SPECC1L: variants seen among roughly 807,000 people sequenced by gnomAD.
The protein encoded by SPECC1L is cytospin-A.
A neutral mutation model predicts 116.8 loss-of-function variants in SPECC1L; 40 were observed. The ratio of observed to expected loss-of-function variants is 0.34; its 90% confidence interval spans 0.27 to 0.45. SPECC1L has a LOEUF of 0.45. Ranked by LOEUF, SPECC1L falls within the 20% of genes least tolerant of loss-of-function variation. The pLI, the probability that SPECC1L is intolerant of heterozygous loss-of-function variation, is 1.00. For missense variants in SPECC1L, 1,110 were observed against 1,373.6 expected (o/e 0.81, Z 3.03); for synonymous variants, 504 against 500.6 (o/e 1.01, Z -0.09).
chr22:24,358,501 C>T (rs1055508975), intron 11 of SPECC1L, among the ~76,000 whole-genome samples: 3 of 152,200 alleles, frequency 2.0e-5, no homozygotes, highest in African/African-American at 4.8e-5. Flanking sequence ...CAAACCCTCC[C>T]TGCAACTGAA....
intron 2 of SPECC1L, among the ~76,000 whole-genome samples, chr22:24,282,150 A>G (rs1281672303): frequency 1.3e-5 from 2 of 152,198 alleles, no homozygotes; most frequent in South Asian, 2.1e-4. Context: ...ATCGATCTGG[A>G]TGGTGCCAGC....
intron 14 of SPECC1L, among the ~76,000 whole-genome samples, chr22:24,405,279 G>A (rs1473156753): frequency 6.6e-6 from 1 of 152,154 alleles, no homozygotes; most frequent in Non-Finnish European, 1.5e-5. Flanking sequence ...GGAGAAGGAG[G>A]GAAGGAAGGA....
intron 14 of SPECC1L, among the ~76,000 whole-genome samples, chr22:24,405,935 A>G (rs2042583222): frequency 5.3e-5 from 8 of 152,190 alleles, no homozygotes; most frequent in Admixed American, 5.2e-4. Context: ...ATTTCACTGA[A>G]GTCCAAGACA....
At chr22:24,336,418 T>C (rs1254365891) in intron 9 of SPECC1L, among the ~76,000 whole-genome samples, 2 of 152,020 alleles carry the variant, frequency 1.3e-5, no homozygotes, top group East Asian at 3.9e-4. Flanking sequence ...CTGGGTAATA[T>C]GATGGGGTAA....
In SPECC1L at chr22:24,321,371, C is replaced by T. The variant is rs1236145472; in HGVS notation, c.391C>T (p.Arg131Ter). 5 of 1,614,210 alleles carry T rather than the reference C, an allele frequency of 3.1e-6. No homozygotes were observed. Among genetic ancestry groups the T allele is most frequent in the Non-Finnish European group, 3.4e-6 (4 of 1,180,046 alleles). Residue 131 changes from arginine (R) to a stop codon, truncating the protein, a stop_gained, in exon 5 of 17, where the codon CGA becomes TGA. Coordinates refer to ENST00000314328, the MANE Select transcript of SPECC1L (RefSeq NM_015330.6). LOFTEE classifies it high-confidence loss of function. ...TAGAGAAAGATTACGTGAACGTACC[C>T]GATTAAACCAGAGCAAAAAACTACC... ...STRERLRERT[R>*]LNQSKKLPSA...
chr22:24,333,230 A>C (rs988728349), intron 8 of SPECC1L, among the ~76,000 whole-genome samples: 3 of 152,214 alleles, frequency 2.0e-5, no homozygotes. Context: ...TCCATCTCAA[A>C]AAAAAGAAAA....
At chr22:24,342,913 C>CTG (rs1418117476) in intron 10 of SPECC1L, among the ~76,000 whole-genome samples, 1 of 152,030 alleles carries the variant, frequency 6.6e-6, no homozygotes, top group Non-Finnish European at 1.5e-5. Flanking sequence ...AAGAAATAGG[C>CTG]TGGGCGCAGT....
chr22:24,329,237 T>C (rs1010903018), intron 7 of SPECC1L, among the ~76,000 whole-genome samples: 3 of 152,254 alleles, frequency 2.0e-5, no homozygotes, highest in Non-Finnish European at 4.4e-5. Flanking sequence ...TTTCGGATTT[T>C]CAGATTTGGG....
intron 13 of SPECC1L, among the ~76,000 whole-genome samples, chr22:24,367,158 A>G (rs143587245): frequency 1.6e-3 from 237 of 152,232 alleles, no homozygotes; most frequent in African/African-American, 5.3e-3. Context: ...GTGCGACTGC[A>G]CTCCAGCCTG....
intron 14 of SPECC1L, among the ~76,000 whole-genome samples, chr22:24,384,130 A>C (rs2146705485): frequency 6.6e-6 from 1 of 152,186 alleles, no homozygotes; most frequent in South Asian, 2.1e-4. Context: ...AATGGAGACA[A>C]GGGACATAAT....
intron 11 of SPECC1L, among the ~76,000 whole-genome samples, chr22:24,349,384 CA>C: frequency 6.6e-6 from 1 of 152,268 alleles, no homozygotes; most frequent in African/African-American, 2.4e-5. Flanking sequence ...AGGTGTGGCC[CA>C]GAGCTCAACA....
intron 9 of SPECC1L, 24 bp from the exon 10 acceptor site, chr22:24,338,362 C>T: frequency 3.1e-6 from 5 of 1,611,026 alleles, no homozygotes; most frequent in Non-Finnish European, 4.2e-6. Context: ...ACATTATTTC[C>T]CTTTTTGTTT....
chr22:24,321,444 G>A lies in SPECC1L; in HGVS notation c.464G>A (p.Arg155His), dbSNP rs193920978. The change falls in exon 5 of 17, where the codon CGC becomes CAC. Residue 155 changes from arginine (R) to histidine (H), a missense_variant. Around this residue, in one of 4 missense-constraint regions of SPECC1L, gnomAD observed 437 missense variants for 482.6 expected, o/e 0.91. Transcript: ENST00000314328. ...ANDMALAKRS[R>H]SRTATECDVR... ...GACATGGCATTGGCCAAACGTTCCC[G>A]CAGTCGAACTGCTACAGAATGTGAC... is the stretch of plus-strand genomic sequence containing the variant. 1.9e-6 allele frequency: 3 copies of A among 1,614,244 alleles called. No homozygotes were observed. The highest frequency in any genetic ancestry group is 2.2e-5 in the East Asian group (1 of 44,896).
intron 14 of SPECC1L, among the ~76,000 whole-genome samples, chr22:24,385,080 AAAAG>A (rs1164741658): frequency 6.6e-5 from 10 of 151,828 alleles, no homozygotes; most frequent in Admixed American, 6.6e-4. Flanking sequence ...AAAAAAAGAA[AAAAG>A]AATGTAAACT....
intron 11 of SPECC1L, among the ~76,000 whole-genome samples, chr22:24,362,043 T>C (rs2041655562): frequency 6.6e-6 from 1 of 152,258 alleles, no homozygotes; most frequent in South Asian, 2.1e-4. Flanking sequence ...GTGGACATTC[T>C]TGGCTGAGAG....
chr22:24,343,896 A>G (rs1175090941), intron 10 of SPECC1L, among the ~76,000 whole-genome samples: 1 of 152,210 alleles, frequency 6.6e-6, no homozygotes, highest in Non-Finnish European at 1.5e-5. Flanking sequence ...AATGAGGAGT[A>G]TATGGGACTT....
chr22:24,384,675 G>A (rs1455264945), intron 14 of SPECC1L, among the ~76,000 whole-genome samples: 4 of 152,178 alleles, frequency 2.6e-5, no homozygotes, highest in Admixed American at 2.6e-4. Flanking sequence ...TACAGTTGAC[G>A]TTGGCTGCAT....
At chr22:24,376,836 AAG>A (rs1215320494) in intron 14 of SPECC1L, among the ~76,000 whole-genome samples, 3 of 152,122 alleles carry the variant, frequency 2.0e-5, no homozygotes, top group East Asian at 3.9e-4. Context: ...TTTCTTAAGA[AAG>A]AACTTTTTTT....
intron 1 of SPECC1L, among the ~76,000 whole-genome samples, chr22:24,273,200 A>C (rs1450575365): frequency 6.6e-6 from 1 of 152,254 alleles, no homozygotes; most frequent in Non-Finnish European, 1.5e-5. Context: ...GACTTGACAC[A>C]CAGTGCATCT....
Sources: gnomAD v4.1 joint callset for allele counts (sites outside exome capture counted in the v4.1 genomes callset) on GRCh38, gnomAD v4.1.1 for gene constraint, gnomAD v4.1.1 regional missense constraint, MANE v1.5 for transcripts, NCBI Gene and HGNC (gene_info 2026-07-23, HGNC 2026-07-21) for gene names.